EXOC6B: variants seen among roughly 807,000 people sequenced by gnomAD.
The protein encoded by EXOC6B is SEC15 homolog B.
Under a neutral mutation model 113.5 loss-of-function variants are expected in EXOC6B, and 54 were observed. The ratio of observed to expected loss-of-function variants is 0.48; its 90% CI spans 0.38 to 0.60. The LOEUF (loss-of-function observed/expected upper bound fraction) is 0.60. Among genes scored for constraint, EXOC6B ranks in the 20% least tolerant of loss-of-function variants. The pLI is 0.00. For missense variants in EXOC6B, 797 were observed against 977.5 expected, an observed-to-expected ratio of 0.82 and a Z score of 2.46; for synonymous variants, 357 against 339.0, an observed-to-expected ratio of 1.05 and a Z score of -0.58.
intron 19 of EXOC6B, among the ~76,000 whole-genome samples, chr2:72,378,790 G>C (rs1215518375): frequency 6.6e-6 from 1 of 152,090 alleles, no homozygotes; most frequent in Admixed American, 6.6e-5. Flanking sequence ...AATTCCAAGA[G>C]TCACATCATT....
chr2:72,489,165 C>G (rs1300631221), intron 16 of EXOC6B, among the ~76,000 whole-genome samples: 2 of 152,142 alleles, frequency 1.3e-5, no homozygotes, highest in African/African-American at 4.8e-5. Flanking sequence ...TTTCCTTAAC[C>G]CAGGTGCTTT....
chr2:72,287,436 A>AT (rs1685506202), intron 20 of EXOC6B, among the ~76,000 whole-genome samples: 1 of 146,990 alleles, frequency 6.8e-6, no homozygotes, highest in African/African-American at 2.6e-5. Flanking sequence ...ATCTCAAAAA[A>AT]AAAAAAATAA....
At chr2:72,589,918 G>C (rs1199606958) in intron 6 of EXOC6B, among the ~76,000 whole-genome samples, 1 of 151,920 alleles carries the variant, frequency 6.6e-6, no homozygotes, top group Non-Finnish European at 1.5e-5. Flanking sequence ...TCAATGAAAA[G>C]AAGAAATTCA....
intron 17 of EXOC6B, among the ~76,000 whole-genome samples, chr2:72,470,684 T>C (rs1698347993): frequency 1.3e-5 from 2 of 149,918 alleles, no homozygotes; most frequent in South Asian, 4.3e-4. Flanking sequence ...GTTCTCATTG[T>C]TCAATTCCCA....
chr2:72,765,700 A>C (rs1175605568), intron 1 of EXOC6B, among the ~76,000 whole-genome samples: 2 of 152,164 alleles, frequency 1.3e-5, no homozygotes, highest in Non-Finnish European at 2.9e-5. Flanking sequence ...AACAAAAAAC[A>C]GAACTGCTCC....
At chr2:72,400,679 A>G (rs1181339183) in intron 18 of EXOC6B, among the ~76,000 whole-genome samples, 1 of 151,932 alleles carries the variant, frequency 6.6e-6, no homozygotes, top group Admixed American at 6.6e-5. Context: ...CCAAAAAAAA[A>G]AAAGAAAAAA....
At chr2:72,209,841 A>C (rs1424797460) in intron 20 of EXOC6B, among the ~76,000 whole-genome samples, 1 of 152,204 alleles carries the variant, frequency 6.6e-6, no homozygotes, top group Non-Finnish European at 1.5e-5. Context: ...ACAACTGTGC[A>C]TATTTGAATA....
intron 18 of EXOC6B, among the ~76,000 whole-genome samples, chr2:72,450,734 C>T (rs1220971484): frequency 6.6e-6 from 1 of 152,140 alleles, no homozygotes; most frequent in Admixed American, 6.5e-5. Context: ...GATCTTCCCT[C>T]AATAGCATAG....
rs57679690 is a variant in EXOC6B, at chr2:72,189,860, C to CTTTTTTTTTT, written c.2197-5683_2197-5674dup. ...TCTCTCTCTCTTTCTCCTTCTTCTT[C>CTTTTTTTTTT]TTTTTTTTTTTTTTTTTTTTGAGGC... On this transcript the variant is annotated intron_variant, in intron 20 of 21. Coordinates refer to ENST00000272427, the MANE Select transcript of EXOC6B (RefSeq NM_015189.3). 5.9e-3 allele frequency among the ~76,000 whole-genome samples: 512 copies of CTTTTTTTTTT among 87,214 alleles called. 53 individuals carry two copies. Among genetic ancestry groups the CTTTTTTTTTT allele is most frequent in the African/African-American group, 0.024 (370 of 15,352 alleles). 57.2% of individuals were successfully genotyped at this position (87,214 alleles called of 152,430 possible).
intron 1 of EXOC6B, 128 bp from the exon 2 acceptor site, chr2:72,741,597 T>A: frequency 1.4e-6 from 1 of 700,642 alleles, no homozygotes; most frequent in East Asian, 2.9e-5. Context: ...TTAACATGCC[T>A]TATTGTTAAA....
intron 18 of EXOC6B, among the ~76,000 whole-genome samples, chr2:72,397,202 TGA>T (rs1692783058): frequency 6.6e-6 from 1 of 152,166 alleles, no homozygotes; most frequent in Non-Finnish European, 1.5e-5. Context: ...AATATAATTG[TGA>T]TGGTTAGAAT....
intron 17 of EXOC6B, among the ~76,000 whole-genome samples, chr2:72,466,688 T>C (rs998064422): frequency 2.6e-5 from 4 of 152,290 alleles, no homozygotes; most frequent in South Asian, 4.1e-4. Flanking sequence ...AATTATATAT[T>C]TGTGACGTAC....
chr2:72,520,857 G>A (rs1190894336), intron 8 of EXOC6B, among the ~76,000 whole-genome samples: 2 of 152,006 alleles, frequency 1.3e-5, no homozygotes, highest in Non-Finnish European at 2.9e-5. Context: ...CTCTTGTATG[G>A]CACTATTATT....
chr2:72,822,426 T>TG (rs898963580), intron 1 of EXOC6B, among the ~76,000 whole-genome samples: 2 of 152,024 alleles, frequency 1.3e-5, no homozygotes, highest in African/African-American at 4.8e-5. Flanking sequence ...AAAGAAGAGG[T>TG]GGTATATCCT....
At chr2:72,582,788 A>T (rs1192262560) in intron 6 of EXOC6B, among the ~76,000 whole-genome samples, 1 of 152,144 alleles carries the variant, frequency 6.6e-6, no homozygotes, top group Non-Finnish European at 1.5e-5. Flanking sequence ...ACGGAAATTT[A>T]AAATTTAGGG....
At chr2:72,813,447 T>C (rs1377892145) in intron 1 of EXOC6B, among the ~76,000 whole-genome samples, 1 of 152,198 alleles carries the variant, frequency 6.6e-6, no homozygotes, top group African/African-American at 2.4e-5. Flanking sequence ...TTAAAATGCC[T>C]CTAATAATCT....
chr2:72,457,455 C>A (rs192326470), intron 18 of EXOC6B, among the ~76,000 whole-genome samples: 8 of 152,124 alleles, frequency 5.3e-5, no homozygotes, highest in Admixed American at 3.3e-4. Context: ...ACGCTTAACC[C>A]ACAAACCAAG....
intron 17 of EXOC6B, among the ~76,000 whole-genome samples, chr2:72,470,722 G>GT (rs999159689): frequency 1.3e-5 from 2 of 151,090 alleles, no homozygotes; most frequent in Admixed American, 6.6e-5. Flanking sequence ...GTGGTGTTTG[G>GT]TTTTTTGTCC....
At chr2:72,680,004 T>C (rs1003178882) in intron 6 of EXOC6B, among the ~76,000 whole-genome samples, 6 of 152,196 alleles carry the variant, frequency 3.9e-5, no homozygotes, top group Non-Finnish European at 8.8e-5. Context: ...ATTTTCATAA[T>C]GTGATTATAT....
Sources: gnomAD v4.1 joint callset for allele counts (sites outside exome capture counted in the v4.1 genomes callset) on GRCh38, gnomAD v4.1.1 for gene constraint, MANE v1.5 for transcripts, NCBI Gene and HGNC (gene_info 2026-07-23, HGNC 2026-07-21) for gene names.